Variants in NTNG1 observed in about 807,000 individuals in gnomAD.
NTNG1 encodes netrin G1, also known as netrin-G1.
Under a neutral mutation model 54.0 loss-of-function variants are expected in NTNG1, and 16 were observed. The ratio of observed to expected loss-of-function variants is 0.30; its 90% CI spans 0.20 to 0.45. The LOEUF is 0.45. Ranked by LOEUF, NTNG1 falls within the 20% of genes least tolerant of loss-of-function variation. The pLI is 1.00. For missense variants in NTNG1, 530 were observed against 678.7 expected, an observed-to-expected ratio of 0.78 and a Z score of 2.43; for synonymous variants, 255 against 263.1, an observed-to-expected ratio of 0.97 and a Z score of 0.30.
At chr1:107,392,499 C>T (rs1672424584) in intron 3 of NTNG1, among the ~76,000 whole-genome samples, 1 of 151,972 alleles carries the variant, frequency 6.6e-6, no homozygotes, top group Admixed American at 6.6e-5. Flanking sequence ...TGAAAACGAG[C>T]TTGGGTATCC....
chr1:107,257,757 C>T (rs943134722), intron 2 of NTNG1, among the ~76,000 whole-genome samples: 2 of 152,178 alleles, frequency 1.3e-5, no homozygotes, highest in African/African-American at 4.8e-5. Context: ...TAGGGGTAAG[C>T]AAATGTCCTG....
intron 2 of NTNG1, among the ~76,000 whole-genome samples, chr1:107,174,680 T>C (rs1297713907): frequency 6.6e-6 from 1 of 151,968 alleles, no homozygotes; most frequent in Non-Finnish European, 1.5e-5. Flanking sequence ...CATTAGAACC[T>C]CCTAGGGTGT....
chr1:107,178,546 G>A (rs1351958518), intron 2 of NTNG1, among the ~76,000 whole-genome samples: 2 of 151,190 alleles, frequency 1.3e-5, no homozygotes, highest in Non-Finnish European at 2.9e-5. Flanking sequence ...TCTTCATTTT[G>A]TTAGGACATA....
At chr1:107,274,349 G>A (rs1174424088) in intron 2 of NTNG1, among the ~76,000 whole-genome samples, 1 of 152,196 alleles carries the variant, frequency 6.6e-6, no homozygotes, top group East Asian at 1.9e-4. Context: ...AGATTTGGTG[G>A]AGTCAGTAGA....
intron 3 of NTNG1, among the ~76,000 whole-genome samples, chr1:107,325,250 A>G (rs899211560): frequency 6.6e-6 from 1 of 152,142 alleles, no homozygotes; most frequent in Non-Finnish European, 1.5e-5. Flanking sequence ...CCCTATAACG[A>G]ACTGAAAAAC....
intron 7 of NTNG1, among the ~76,000 whole-genome samples, chr1:107,461,428 G>A (rs1221712380): frequency 2.0e-5 from 3 of 152,190 alleles, no homozygotes; most frequent in Non-Finnish European, 4.4e-5. Flanking sequence ...TATGGCTGGA[G>A]GGTGCTGATG....
intron 2 of NTNG1, among the ~76,000 whole-genome samples, chr1:107,196,650 C>T (rs1658356816): frequency 6.6e-6 from 1 of 151,898 alleles, no homozygotes; most frequent in Non-Finnish European, 1.5e-5. Flanking sequence ...CAACATAACA[C>T]CCAGGCAAGA....
At chr1:107,341,388 C>T (rs968662330) in intron 3 of NTNG1, among the ~76,000 whole-genome samples, 1 of 152,020 alleles carries the variant, frequency 6.6e-6, no homozygotes, top group Non-Finnish European at 1.5e-5. Context: ...TTTATCATTA[C>T]CATATTCCTA....
chr1:107,209,685 G>T (rs867535479), intron 2 of NTNG1, among the ~76,000 whole-genome samples: 18 of 152,148 alleles, frequency 1.2e-4, no homozygotes, highest in African/African-American at 2.4e-4. Context: ...ATTTTCCTAA[G>T]AATTCTCTAT....
At chr1:107,195,817 A>G (rs914275380) in intron 2 of NTNG1, among the ~76,000 whole-genome samples, 3 of 151,940 alleles carry the variant, frequency 2.0e-5, no homozygotes, top group African/African-American at 7.2e-5. Context: ...TTCTGACTCA[A>G]ATATTTTCTT....
At chr1:107,259,969 G>C (rs1663196176) in intron 2 of NTNG1, among the ~76,000 whole-genome samples, 1 of 152,128 alleles carries the variant, frequency 6.6e-6, no homozygotes, top group Non-Finnish European at 1.5e-5. Flanking sequence ...TACTGAGCTA[G>C]GTGAGAGGGA....
intron 2 of NTNG1, among the ~76,000 whole-genome samples, chr1:107,279,063 G>C (rs146284530): frequency 3.4e-4 from 52 of 152,200 alleles, no homozygotes; most frequent in African/African-American, 1.2e-3. Flanking sequence ...CATTGATGTT[G>C]GTCATGGATG....
chr1:107,403,274 T>G (rs1472255765), intron 4 of NTNG1, among the ~76,000 whole-genome samples: 1 of 152,108 alleles, frequency 6.6e-6, no homozygotes, highest in Non-Finnish European at 1.5e-5. Context: ...GACAAGTGCT[T>G]TCTCATTTTT....
At chr1:107,192,231 G>T (rs1224935694) in intron 2 of NTNG1, among the ~76,000 whole-genome samples, 1 of 149,886 alleles carries the variant, frequency 6.7e-6, no homozygotes, top group Non-Finnish European at 1.5e-5. Flanking sequence ...CTCTCTGTTT[G>T]TCTGTTATTG....
chr1:107,474,559 C>T (rs1267627183), intron 7 of NTNG1, among the ~76,000 whole-genome samples: 1 of 152,108 alleles, frequency 6.6e-6, no homozygotes, highest in African/African-American at 2.4e-5. Context: ...TGACTTATTC[C>T]ATTTTATGCA....
At chr1:107,140,396 T>C (rs1653563522), upstream of NTNG1, among the ~76,000 whole-genome samples, 1 of 151,968 alleles carries the variant, frequency 6.6e-6, no homozygotes, top group Non-Finnish European at 1.5e-5. Flanking sequence ...CGCTGCCCGC[T>C]CGGAGCAGGG....
At chr1:107,215,089 A>G (rs1419014275) in intron 2 of NTNG1, among the ~76,000 whole-genome samples, 1 of 151,358 alleles carries the variant, frequency 6.6e-6, no homozygotes, top group Non-Finnish European at 1.5e-5. Flanking sequence ...TTGTCTGTTT[A>G]CTCTGATGAT....
intron 3 of NTNG1, among the ~76,000 whole-genome samples, 172 bp from the exon 4 acceptor site, chr1:107,394,982 A>C (rs528959086): frequency 6.6e-6 from 1 of 152,198 alleles, no homozygotes; most frequent in African/African-American, 2.4e-5. Context: ...CCCCCTGCAA[A>C]CGGCTCTTTT....
chr1:107,252,312 G>A lies in NTNG1; in HGVS notation c.247-71970G>A, dbSNP rs75994839. On this transcript the variant is annotated intron_variant, in intron 2 of 7. Transcript: ENST00000370068. ...TTTGCTACTTGCTAATTGTATGTCT[G>A]GTCCCAGATTTTTTAATTTGGTGAT... Among the ~76,000 whole-genome samples the A allele has an allele frequency of 5.0e-3, 763 of 152,230 alleles. 8 individuals carry two copies. The highest frequency in any genetic ancestry group is 0.017 in the African/African-American group (721 of 41,544).
Sources: gnomAD v4.1 joint callset for allele counts (sites outside exome capture counted in the v4.1 genomes callset) on GRCh38, gnomAD v4.1.1 for gene constraint, MANE v1.5 for transcripts, NCBI Gene and HGNC (gene_info 2026-07-23, HGNC 2026-07-21) for gene names.